KIF26B: variants seen among roughly 807,000 people sequenced by gnomAD.
KIF26B encodes kinesin-like protein KIF26B.
Under a neutral mutation model 151.2 loss-of-function variants are expected in KIF26B, and 63 were observed. The observed-to-expected ratio is 0.42, with a 90% CI of 0.34 to 0.51. KIF26B has a LOEUF of 0.51. Among genes scored for constraint, KIF26B ranks in the 20% least tolerant of loss-of-function variants. KIF26B has a pLI of 0.07. For missense variants in KIF26B, 2,813 were observed against 2,913.6 expected (o/e 0.97, Z 0.79); for synonymous variants, 1,357 against 1,262.1 (o/e 1.08, Z -1.59).
intron 2 of KIF26B, among the ~76,000 whole-genome samples, chr1:245,182,211 C>G (rs1447486365): frequency 6.6e-6 from 1 of 152,134 alleles, no homozygotes; most frequent in Admixed American, 6.5e-5. Context: ...AGGAAATGGC[C>G]CATTATCAGT....
intron 10 of KIF26B, among the ~76,000 whole-genome samples, chr1:245,677,461 TACAA>T (rs1022448541): frequency 2.0e-5 from 3 of 152,378 alleles, no homozygotes; most frequent in East Asian, 1.9e-4. Flanking sequence ...CCATTTGCAG[TACAA>T]ACAAAGTACT....
rs144335615 is a variant in KIF26B at position 245,226,970 on chromosome 1, G to A, written c.465+70287G>A. Among the ~76,000 whole-genome samples the A allele has an allele frequency of 8.5e-3, 1,297 of 152,234 alleles. 22 individuals are homozygous for A. The highest frequency in any genetic ancestry group is 0.029 in the African/African-American group (1,209 of 41,530). On this transcript the variant is annotated intron_variant, in intron 2 of 14. Coordinates refer to ENST00000407071, the MANE Select transcript of KIF26B (RefSeq NM_018012.4). ...ACCCTCACGGACATCCAGTGCCACG[G>A]TCCTGCTTTGTCAGGCAGCATCTTT... is the stretch of plus-strand genomic sequence containing the variant.
At chr1:245,242,897 G>A (rs913280524) in intron 2 of KIF26B, among the ~76,000 whole-genome samples, 18 of 149,824 alleles carry the variant, frequency 1.2e-4, no homozygotes, top group Admixed American at 2.0e-4. Flanking sequence ...TGATCTGCCC[G>A]CCTTGGCCTC....
At chr1:245,160,344 C>T (rs960815540) in intron 2 of KIF26B, among the ~76,000 whole-genome samples, 6 of 152,184 alleles carry the variant, frequency 3.9e-5, no homozygotes, top group Non-Finnish European at 8.8e-5. Flanking sequence ...GTGAGAATGG[C>T]CCTTTTACCC....
At chr1:245,481,662 A>G (rs1044902880) in intron 4 of KIF26B, among the ~76,000 whole-genome samples, 1 of 151,940 alleles carries the variant, frequency 6.6e-6, no homozygotes, top group Non-Finnish European at 1.5e-5. Flanking sequence ...CCATAAAGAC[A>G]AGGAAGAGAT....
chr1:245,248,049 T>C (rs1410600879), intron 2 of KIF26B, among the ~76,000 whole-genome samples: 2 of 151,618 alleles, frequency 1.3e-5, no homozygotes, highest in African/African-American at 4.8e-5. Context: ...AACACGGCCG[T>C]GCACATCCAA....
intron 2 of KIF26B, among the ~76,000 whole-genome samples, chr1:245,354,921 A>T (rs540231116): frequency 4.1e-4 from 63 of 152,014 alleles, no homozygotes; most frequent in African/African-American, 1.4e-3. Flanking sequence ...ATTTTATTTT[A>T]TTTATTTATT....
intron 2 of KIF26B, among the ~76,000 whole-genome samples, chr1:245,278,503 G>T (rs781225290): frequency 2.6e-5 from 4 of 152,138 alleles, no homozygotes; most frequent in Non-Finnish European, 4.4e-5. Flanking sequence ...TCTCTTTTGG[G>T]CATGAACAGT....
intron 4 of KIF26B, among the ~76,000 whole-genome samples, chr1:245,504,018 G>A (rs545664314): frequency 1.3e-5 from 2 of 152,262 alleles, no homozygotes; most frequent in South Asian, 2.1e-4. Flanking sequence ...TGCTTCGGTC[G>A]TTTTCGTATC....
At chr1:245,387,988 C>G (rs2103020633) in intron 3 of KIF26B, among the ~76,000 whole-genome samples, 1 of 152,256 alleles carries the variant, frequency 6.6e-6, no homozygotes, top group Non-Finnish European at 1.5e-5. Context: ...CAGAATAGGC[C>G]ATTTTGAAAC....
chr1:245,387,147 TTTTTTTGTTTTTTG>T lies in KIF26B; in HGVS notation c.999+19802_999+19815del, dbSNP rs548017418. ...GAGGCTGTATTATCTGACCTAGGTT[TTTTTTTGTTTTTTG>T]TTTTTTGTTTTTTGTTTTTTGAGAT... is the stretch of plus-strand genomic sequence containing the variant. On this transcript the variant is annotated intron_variant, in intron 3 of 14. Coordinates refer to ENST00000407071, the MANE Select transcript of KIF26B (RefSeq NM_018012.4). Among the ~76,000 whole-genome samples, 8 of 143,676 alleles carry T rather than the reference TTTTTTTGTTTTTTG, an allele frequency of 5.6e-5. No homozygotes were observed. The South Asian group carries it at 1.3e-3, about 24-fold the overall frequency. The allele number at this position is 143,676 out of a possible 152,430, so 94.3% of individuals were successfully genotyped here. A position where few individuals can be genotyped will look rare whatever the true frequency, so the allele number is the denominator to read the frequency against.
chr1:245,310,100 AAT>A, intron 2 of KIF26B, among the ~76,000 whole-genome samples: 1 of 148,138 alleles, frequency 6.8e-6, no homozygotes, highest in Admixed American at 6.8e-5. Context: ...TAAATCAATA[AAT>A]ATATATCTCA....
intron 2 of KIF26B, among the ~76,000 whole-genome samples, chr1:245,206,007 G>T (rs368936798): frequency 3.9e-5 from 6 of 152,152 alleles, no homozygotes; most frequent in East Asian, 3.9e-4. Context: ...CAAAGTGCAG[G>T]AATTATAGGA....
chr1:245,182,155 C>T (rs1668918501), intron 2 of KIF26B, among the ~76,000 whole-genome samples: 1 of 152,150 alleles, frequency 6.6e-6, no homozygotes, highest in Admixed American at 6.5e-5. Flanking sequence ...GCCAGGTCTG[C>T]AGCCATCATC....
intron 4 of KIF26B, among the ~76,000 whole-genome samples, chr1:245,446,052 T>C (rs1659242354): frequency 6.6e-6 from 1 of 152,214 alleles, no homozygotes; most frequent in South Asian, 2.1e-4. Context: ...TGTTAGGTGA[T>C]TCTGTCATTG....
chr1:245,283,339 C>T (rs2102969347), intron 2 of KIF26B, among the ~76,000 whole-genome samples: 1 of 152,246 alleles, frequency 6.6e-6, no homozygotes, highest in African/African-American at 2.4e-5. Flanking sequence ...TCCGCCCAAG[C>T]CCCGACTCAT....
chr1:245,688,521 G>T lies in KIF26B; in HGVS notation c.5538G>T (p.Leu1846=). 1 of 1,523,236 alleles carries T rather than the reference G, an allele frequency of 6.6e-7. No individual in the cohort carries two copies. 94.4% of individuals were successfully genotyped at this position (1,523,236 alleles called of 1,614,324 possible). ...LAEDEPAAAH[L]LPSPYSKITP... is the part of the protein sequence containing the mutation. The stretch of plus-strand genomic sequence containing the variant: ...AGGACGAGCCCGCGGCCGCGCACCT[G>T]CTCCCGTCGCCCTACAGCAAGATCA... Residue 1846 remains leucine, a synonymous_variant, in exon 12 of 15, where the codon CTG becomes CTT. Transcript: ENST00000407071.
chr1:245,695,019 G>A (rs10802245), intron 12 of KIF26B, among the ~76,000 whole-genome samples: 96,594 of 151,918 alleles, frequency 0.64, 32,400 homozygotes, highest in Middle Eastern at 0.78. Context: ...CACGACTCCC[G>A]CCAGGGTGGG....
rs970551034 is a variant in KIF26B, at chr1:245,705,936, A to T, written c.*3330A>T. On this transcript the variant is annotated 3_prime_UTR_variant, in exon 15 of 15. Coordinates refer to ENST00000407071, the MANE Select transcript of KIF26B (RefSeq NM_018012.4). ...AATCAGAACACTCTGCCCGTTGTTT[A>T]TTCGCCAGTTGCCATTCTTAACATG... 6.6e-6 allele frequency: 1 copy of T among 152,228 alleles called. No homozygotes were observed. Among genetic ancestry groups the T allele is most frequent in the Non-Finnish European group, 1.5e-5 (1 of 68,038 alleles). The allele number at this position is 152,228 out of a possible 1,614,324, so 9.4% of individuals were successfully genotyped here. A position where few individuals can be genotyped will look rare whatever the true frequency, so the allele number is the denominator to read the frequency against.
Sources: allele counts gnomAD v4.1 joint callset (sites outside exome capture counted in the v4.1 genomes callset), GRCh38; gene constraint gnomAD v4.1.1; transcripts MANE v1.5; gene names NCBI Gene and HGNC (gene_info 2026-07-23, HGNC 2026-07-21).